Variants in NF1 observed in about 807,000 individuals in gnomAD.
NF1 encodes neurofibromin 1.
In NF1, 122 loss-of-function variants were observed where a neutral mutation model predicts 325.7. The ratio of observed to expected loss-of-function variants is 0.37; its 90% confidence interval spans 0.32 to 0.44. The LOEUF (loss-of-function observed/expected upper bound fraction) is 0.44. Ranked by LOEUF, NF1 falls within the 20% of genes least tolerant of loss-of-function variation. The pLI is 1.00. For synonymous variants in NF1, 1,091 were observed against 1,186.0 expected (o/e 0.92, Z 1.65); for missense variants, 2,140 against 3,415.4 (o/e 0.63, Z 9.31).
At chr17:31,197,350 T>A (rs1371607254) in intron 8 of NF1, among the ~76,000 whole-genome samples, 1 of 151,148 alleles carries the variant, frequency 6.6e-6, no homozygotes, top group Non-Finnish European at 1.5e-5. Context: ...CTGGCTTTTT[T>A]TTTTTTTTTT....
intron 1 of NF1, among the ~76,000 whole-genome samples, chr17:31,097,275 T>C (rs907795043): frequency 6.6e-6 from 1 of 151,956 alleles, no homozygotes; most frequent in Non-Finnish European, 1.5e-5. Context: ...CTGACCAACA[T>C]GGAGAAACCT....
intron 1 of NF1, among the ~76,000 whole-genome samples, chr17:31,149,088 G>C (rs1444677579): frequency 6.6e-6 from 1 of 150,816 alleles, no homozygotes; most frequent in Non-Finnish European, 1.5e-5. Flanking sequence ...GGAACATACT[G>C]TGTATATTTT....
chr17:31,356,922 C>T (rs1227081608), intron 52 of NF1, 38 bp from the exon 53 acceptor site: 1 of 1,612,296 alleles, frequency 6.2e-7, no homozygotes, highest in Non-Finnish European at 8.5e-7. Flanking sequence ...AGTGATTATC[C>T]AGGTGTTTGA....
intron 20 of NF1, 64 bp downstream of exon 20, chr17:31,227,670 A>T (rs2151427824): frequency 1.4e-6 from 2 of 1,401,850 alleles, no homozygotes; most frequent in Non-Finnish European, 2.0e-6. Context: ...CTTCACTTTG[A>T]TAATCTTTCA....
chr17:31,219,226 C>A, intron 14 of NF1, 108 bp downstream of exon 14: 1 of 1,168,714 alleles, frequency 8.6e-7, no homozygotes, highest in Non-Finnish European at 1.2e-6. Flanking sequence ...GATGTCATTT[C>A]TGGAAATGGT....
At chr17:31,118,938 C>CTTTTT (rs35974893) in intron 1 of NF1, among the ~76,000 whole-genome samples, 4 of 146,380 alleles carry the variant, frequency 2.7e-5, no homozygotes, top group Non-Finnish European at 4.5e-5. Flanking sequence ...GTCTCTCTCT[C>CTTTTT]TTTTTTTTTT....
At position 31,327,639 on chromosome 17, in the gene NF1, T is replaced by G. The variant is rs2069379800; in HGVS notation, c.5409T>G (p.Ile1803Met). The G allele has an allele frequency of 6.2e-7, 1 of 1,614,104 alleles. No homozygotes were observed. Among genetic ancestry groups the G allele is most frequent in the African/African-American group, 1.3e-5 (1 of 75,018 alleles). ...ATGAGAACCAGTTCACCTTAACCAT[T>G]GCAAACCAGGGCACGCCGCTCACCT... ...LVDENQFTLT[I>M]ANQGTPLTFM... The change falls in exon 38 of 58, where the codon ATT (isoleucine) becomes ATG (methionine). Residue 1803 changes from isoleucine to methionine, a missense_variant. Physicochemically the swap from Ile to Met is conservative, Grantham distance 10. Transcript: ENST00000358273.
chr17:31,337,766 C>T (rs2151557140), intron 43 of NF1, 53 bp from the exon 44 acceptor site: 2 of 1,562,086 alleles, frequency 1.3e-6, no homozygotes, highest in Non-Finnish European at 8.8e-7. Context: ...ATTATTTAAA[C>T]AGTTCTAAAA....
At chr17:31,149,072 A>G (rs1330704872) in intron 1 of NF1, among the ~76,000 whole-genome samples, 3 of 151,290 alleles carry the variant, frequency 2.0e-5, no homozygotes, top group Non-Finnish European at 4.4e-5. Context: ...CTCTTCTTAG[A>G]TGAATGGAAC....
intron 1 of NF1, chr17:31,138,541 G>A (rs563101426): frequency 6.6e-6 from 1 of 152,060 alleles, no homozygotes; most frequent in African/African-American, 2.4e-5. Context: ...TGAGATTATA[G>A]GTGTGAGCCA....
At chr17:31,230,164 A>C in intron 22 of NF1, 96 bp from the exon 23 acceptor site, 1 of 1,469,658 alleles carries the variant, frequency 6.8e-7, no homozygotes, top group Non-Finnish European at 9.4e-7. Context: ...TTTCAAACTT[A>C]CATTTAATTC....
At chr17:31,299,280 A>AAAAT (rs35288330) in intron 36 of NF1, among the ~76,000 whole-genome samples, 69,820 of 150,780 alleles carry the variant, frequency 0.46, 19,975 homozygotes, top group African/African-American at 0.81. Context: ...AAGTATAATA[A>AAAAT]AAATAAATAA....
rs747584987 is a variant in NF1 at position 31,327,523 on chromosome 17, A to G, written c.5293A>G (p.Thr1765Ala). The G allele has an allele frequency of 1.9e-6, 3 of 1,613,878 alleles. No homozygotes were observed. In the Admixed American group the frequency reaches 5.0e-5, roughly 27 times the overall value. The change falls in exon 38 of 58, where the codon ACT becomes GCT. Residue 1765 changes from threonine to alanine, a missense_variant. Around this residue, in one of 10 missense-constraint regions of NF1, gnomAD observed 147 missense variants for 186.7 expected, o/e 0.79. Coordinates refer to ENST00000358273, the MANE Select transcript of NF1 (RefSeq NM_001042492.3). ...IKVGSTAVQVTSAERTKVLGQ... is the reference protein window; with the variant it reads ...IKVGSTAVQVASAERTKVLGQ... ...GGTTGGTTCTACTGCTGTCCAAGTA[A>G]CTTCAGCAGAGCGAACAAAAGTCCT...
chr17:31,148,018 A>T (rs1453869252), intron 1 of NF1, among the ~76,000 whole-genome samples: 1 of 152,206 alleles, frequency 6.6e-6, no homozygotes, highest in African/African-American at 2.4e-5. Flanking sequence ...GCCCCAGGGG[A>T]AAAGCAGCTG....
At chr17:31,260,709 C>T (rs1304971099) in intron 34 of NF1, among the ~76,000 whole-genome samples, 194 bp downstream of exon 34, 5 of 152,032 alleles carry the variant, frequency 3.3e-5, no homozygotes, top group Non-Finnish European at 5.9e-5. Context: ...AACAAACCTA[C>T]CTAGGTTCCA....
intron 1 of NF1, among the ~76,000 whole-genome samples, chr17:31,102,909 G>C (rs1054812672): frequency 6.6e-6 from 1 of 150,724 alleles, no homozygotes; most frequent in Non-Finnish European, 1.5e-5. Context: ...GCAGTGGCAC[G>C]ATCTCAGCTC....
intron 15 of NF1, 40 bp from the exon 16 acceptor site, chr17:31,223,404 A>G: frequency 6.2e-7 from 1 of 1,606,464 alleles, no homozygotes; most frequent in Non-Finnish European, 8.5e-7. Context: ...GCATTAGGTT[A>G]TTGATGATGC....
At chr17:31,118,042 A>G (rs1322146795) in intron 1 of NF1, among the ~76,000 whole-genome samples, 1 of 152,252 alleles carries the variant, frequency 6.6e-6, no homozygotes, top group South Asian at 2.1e-4. Context: ...TGGTACGCAT[A>G]TGAAAGTAAT....
In NF1 at chr17:31,360,252, T is replaced by C. The variant is rs2070367996; in HGVS notation, c.8161-235T>C. Reference sequence around the variant, plus strand: ...TCTCAGTATTACATTCAGTCTGTCTTGTGCATGGCTTTCAGAAAATGCAGG... The same window carrying C: ...TCTCAGTATTACATTCAGTCTGTCTCGTGCATGGCTTTCAGAAAATGCAGG... On this transcript the variant is annotated intron_variant, in intron 56 of 57. Coordinates refer to ENST00000358273, the MANE Select transcript of NF1 (RefSeq NM_001042492.3). 1.1e-5 allele frequency: 6 copies of C among 540,898 alleles called. No homozygotes were observed. The East Asian group carries it at 2.0e-4, about 18-fold the overall frequency. 33.5% of individuals were successfully genotyped at this position (540,898 alleles called of 1,614,324 possible).
Sources: gnomAD v4.1 joint callset for allele counts (sites outside exome capture counted in the v4.1 genomes callset) on GRCh38, gnomAD v4.1.1 for gene constraint, gnomAD v4.1.1 regional missense constraint, MANE v1.5 for transcripts, NCBI Gene and HGNC (gene_info 2026-07-23, HGNC 2026-07-21) for gene names.